Variants in TSHZ2 observed in about 807,000 individuals in gnomAD.
The protein encoded by TSHZ2 is teashirt homolog 2.
In TSHZ2, 21 loss-of-function variants were observed where a neutral mutation model predicts 74.4. The observed-to-expected ratio is 0.28, with a 90% CI of 0.20 to 0.41. TSHZ2 has a LOEUF of 0.41. Ranked by LOEUF, TSHZ2 falls within the 10% of genes least tolerant of loss-of-function variation. TSHZ2 has a pLI of 1.00. For synonymous variants in TSHZ2, 540 were observed against 515.3 expected (o/e 1.05, Z -0.65); for missense variants, 1,244 against 1,293.5 (o/e 0.96, Z 0.59).
chr20:53,476,439 G>T (rs1985994655), intron 2 of TSHZ2, among the ~76,000 whole-genome samples: 1 of 152,048 alleles, frequency 6.6e-6, no homozygotes, highest in Non-Finnish European at 1.5e-5. Flanking sequence ...TGCAGAGAAG[G>T]CCTTTGACAA....
chr20:53,089,788 G>A (rs1041745917), intron 1 of TSHZ2, among the ~76,000 whole-genome samples: 1 of 152,204 alleles, frequency 6.6e-6, no homozygotes, highest in African/African-American at 2.4e-5. Flanking sequence ...TTCAGTCAAA[G>A]GAAATAGCAA....
chr20:53,363,878 T>C (rs1981159231), intron 2 of TSHZ2, among the ~76,000 whole-genome samples: 1 of 152,256 alleles, frequency 6.6e-6, no homozygotes, highest in Non-Finnish European at 1.5e-5. Context: ...TAGAATCTCA[T>C]TCTTTTATTT....
At chr20:53,297,979 A>C (rs1991411072) in intron 2 of TSHZ2, among the ~76,000 whole-genome samples, 1 of 152,222 alleles carries the variant, frequency 6.6e-6, no homozygotes, top group Non-Finnish European at 1.5e-5. Context: ...TCTCCTTTCC[A>C]GGTGGGTGAG....
chr20:53,020,702 C>G (rs760895808), intron 1 of TSHZ2, among the ~76,000 whole-genome samples: 15 of 152,204 alleles, frequency 9.9e-5, no homozygotes, highest in Non-Finnish European at 2.1e-4. Flanking sequence ...CACTGTGAAA[C>G]TGAATAGCCA....
At chr20:53,032,955 C>T (rs1983691074) in intron 1 of TSHZ2, among the ~76,000 whole-genome samples, 1 of 152,076 alleles carries the variant, frequency 6.6e-6, no homozygotes, top group Admixed American at 6.5e-5. Context: ...TGGGGTTATA[C>T]TGGAATTAAA....
At chr20:53,288,033 G>C (rs1426447887) in intron 2 of TSHZ2, among the ~76,000 whole-genome samples, 1 of 152,072 alleles carries the variant, frequency 6.6e-6, no homozygotes, top group Non-Finnish European at 1.5e-5. Context: ...GGCCATAGAG[G>C]AAACTTGAGT....
intron 1 of TSHZ2, among the ~76,000 whole-genome samples, chr20:53,218,462 A>T (rs930026160): frequency 1.3e-5 from 2 of 152,254 alleles, no homozygotes; most frequent in Non-Finnish European, 2.9e-5. Context: ...CATTGCCAAA[A>T]TTTGTCAATC....
intron 2 of TSHZ2, among the ~76,000 whole-genome samples, chr20:53,322,652 G>A (rs911194353): frequency 2.0e-5 from 3 of 152,188 alleles, no homozygotes; most frequent in Non-Finnish European, 4.4e-5. Context: ...CCCCTGACCA[G>A]TGACTATCCA....
At chr20:53,271,827 A>G (rs1040588493) in intron 2 of TSHZ2, among the ~76,000 whole-genome samples, 2 of 152,224 alleles carry the variant, frequency 1.3e-5, no homozygotes, top group Non-Finnish European at 2.9e-5. Context: ...AGCAGATGGC[A>G]GAGAGAGGAG....
chr20:53,345,473 TCATAGAGGAAGGAGA>T (rs1980401428), intron 2 of TSHZ2, among the ~76,000 whole-genome samples: 3 of 151,930 alleles, frequency 2.0e-5, no homozygotes, highest in South Asian at 4.2e-4. Context: ...TTGTAAGAAA[TCATAGAGGAAGGAGA>T]CAGCACAAAT....
chr20:53,218,263 C>T (rs887718506), intron 1 of TSHZ2, among the ~76,000 whole-genome samples: 1 of 152,282 alleles, frequency 6.6e-6, no homozygotes, highest in South Asian at 2.1e-4. Context: ...GTGTGCTGCA[C>T]CAACCACATG....
At chr20:53,275,417 A>T (rs1415124624) in intron 2 of TSHZ2, among the ~76,000 whole-genome samples, 1 of 152,150 alleles carries the variant, frequency 6.6e-6, no homozygotes, top group Non-Finnish European at 1.5e-5. Context: ...GCAATTGCCT[A>T]TAAATCTCAG....
rs191617027 is a variant in TSHZ2 at position 53,121,736 on chromosome 20, C to T, written c.41-131763C>T. Reference sequence around the variant, plus strand: ...AAGCCAAAGAAAACACATTTTCCAGCGAGATACAGCCTGAAGACTGCCAGG... The same window carrying T: ...AAGCCAAAGAAAACACATTTTCCAGTGAGATACAGCCTGAAGACTGCCAGG... On this transcript the variant is annotated intron_variant, in intron 1 of 2. Coordinates refer to ENST00000371497, the MANE Select transcript of TSHZ2 (RefSeq NM_173485.6). Among the ~76,000 whole-genome samples, 200 of 152,004 alleles carry T rather than the reference C, an allele frequency of 1.3e-3. 1 individual carries two copies. The highest frequency in any genetic ancestry group is 1.5e-3 in the Non-Finnish European group (100 of 67,986).
chr20:53,439,066 C>A (rs1353830488), intron 2 of TSHZ2, among the ~76,000 whole-genome samples: 3 of 152,208 alleles, frequency 2.0e-5, no homozygotes, highest in African/African-American at 7.2e-5. Context: ...TAGTGCCTAG[C>A]ATTTTGTTCA....
In TSHZ2 at chr20:53,026,539, A is replaced by T. The variant is rs190384941; in HGVS notation, c.40+53206A>T. Among the ~76,000 whole-genome samples the T allele has an allele frequency of 7.3e-3, 1,103 of 151,908 alleles. 13 individuals carry two copies. Among genetic ancestry groups the T allele is most frequent in the African/African-American group, 0.025 (1,044 of 41,388 alleles). On this transcript the variant is annotated intron_variant, in intron 1 of 2. Coordinates refer to ENST00000371497, the MANE Select transcript of TSHZ2 (RefSeq NM_173485.6). ...GCTAATCTCTCATATTCTTTAAAAA[A>T]ATTTTTTTCTAAGACAAGCCAACAA...
chr20:53,167,377 TG>T (rs1988087680), intron 1 of TSHZ2, among the ~76,000 whole-genome samples: 1 of 152,160 alleles, frequency 6.6e-6, no homozygotes. Context: ...ACTATATAGG[TG>T]AGAAAACTGG....
In TSHZ2 at chr20:52,986,574, C is replaced by T. The variant is rs141821095; in HGVS notation, c.40+13241C>T. On this transcript the variant is annotated intron_variant, in intron 1 of 2. Coordinates refer to ENST00000371497, the MANE Select transcript of TSHZ2 (RefSeq NM_173485.6). ...TGAAACCCCATCTCTACTAAAAATA[C>T]AAAAATTAGCCAGGCGTGATGGGGC... Among the ~76,000 whole-genome samples, 581 of 150,270 alleles carry T rather than the reference C, an allele frequency of 3.9e-3. 5 individuals carry two copies. Among genetic ancestry groups the T allele is most frequent in the African/African-American group, 0.013 (550 of 40,858 alleles).
chr20:52,989,803 GTA>G (rs1351974989), intron 1 of TSHZ2, among the ~76,000 whole-genome samples: 1 of 150,800 alleles, frequency 6.6e-6, no homozygotes, highest in Non-Finnish European at 1.5e-5. Flanking sequence ...TTATTCTTTC[GTA>G]TATGTTTTTA....
chr20:53,484,396 T>C (rs1986238027), intron 2 of TSHZ2, among the ~76,000 whole-genome samples: 1 of 141,724 alleles, frequency 7.1e-6, no homozygotes, highest in Non-Finnish European at 1.5e-5. Context: ...TTTTTTTTTT[T>C]TTTTTTTAAG....
Sources: gnomAD v4.1 joint callset for allele counts (sites outside exome capture counted in the v4.1 genomes callset) on GRCh38, gnomAD v4.1.1 for gene constraint, MANE v1.5 for transcripts, NCBI Gene and HGNC (gene_info 2026-07-23, HGNC 2026-07-21) for gene names.